Variants in IL7 observed in about 807,000 individuals in gnomAD.
The protein encoded by IL7 is interleukin 7, also known as interleukin-7.
Under a neutral mutation model 21.6 loss-of-function variants are expected in IL7, and 3 were observed. The ratio of observed to expected loss-of-function variants is 0.14; its 90% confidence interval spans 0.06 to 0.36. The LOEUF is 0.36. IL7 is among the 10% of genes least tolerant of loss of function. The probability of loss-of-function intolerance (pLI) is 1.00; values close to 1 mark genes in which losing one functional copy is unlikely to be tolerated. For missense variants in IL7, 175 were observed against 200.2 expected (o/e 0.87, Z 0.76); for synonymous variants, 62 against 68.1 (o/e 0.91, Z 0.44).
intron 6 of IL7, chr8:78,718,336 A>G (rs995969698): frequency 1.3e-5 from 2 of 151,964 alleles, no homozygotes; most frequent in Admixed American, 6.6e-5. Context: ...TTTAATATAG[A>G]AGGCACAGAA....
intron 3 of IL7, among the ~76,000 whole-genome samples, chr8:78,706,903 T>G (rs1005434048): frequency 2.0e-5 from 3 of 152,044 alleles, no homozygotes; most frequent in Non-Finnish European, 4.4e-5. Context: ...ACCAACAATA[T>G]CTTTTGAGTT....
downstream of IL7, among the ~76,000 whole-genome samples, chr8:78,729,683 T>C (rs932440721): frequency 6.6e-6 from 1 of 152,006 alleles, no homozygotes; most frequent in African/African-American, 2.4e-5. Flanking sequence ...AGAAGACTTT[T>C]ACCTCACATG....
At chr8:78,737,668 T>A (rs1456849008) in intron 4 of IL7, among the ~76,000 whole-genome samples, 1 of 152,132 alleles carries the variant, frequency 6.6e-6, no homozygotes, top group Non-Finnish European at 1.5e-5. Flanking sequence ...CCATTTTACC[T>A]TCTATGGGAA....
chr8:78,761,517 C>G (rs1812555666), intron 2 of IL7: 3 of 1,611,764 alleles, frequency 1.9e-6, no homozygotes, highest in Non-Finnish European at 2.5e-6. Flanking sequence ...GCCAAAATTT[C>G]TGCATCAGCT....
intron 4 of IL7, among the ~76,000 whole-genome samples, chr8:78,677,909 AT>A (rs1809634685): frequency 6.6e-6 from 1 of 152,120 alleles, no homozygotes; most frequent in Non-Finnish European, 1.5e-5. Context: ...TTTTATGGTT[AT>A]TTCTTGATGA....
chr8:78,759,497 A>C (rs996541543), intron 2 of IL7, among the ~76,000 whole-genome samples: 1 of 152,160 alleles, frequency 6.6e-6, no homozygotes, highest in African/African-American at 2.4e-5. Context: ...AGTGTTCAAC[A>C]TATACCTGCT....
intron 1 of IL7, among the ~76,000 whole-genome samples, chr8:78,799,891 TA>T (rs535290087): frequency 3.6e-4 from 55 of 152,008 alleles, no homozygotes; most frequent in African/African-American, 1.2e-3. Context: ...ATTGCTAATT[TA>T]AAAAAAATAT....
In IL7 at chr8:78,762,294, C is replaced by A; in HGVS notation, c.148-22212G>T. The stretch of plus-strand genomic sequence containing the variant: ...TTATTTAGCTGATCAGGTGTTTTAT[C>A]TTCTAAGTCTGCTCTCCTACAGTTC... On this transcript the variant is annotated intron_variant, in intron 2 of 5. Transcript: ENST00000263851. 4 of 1,593,572 alleles carry A rather than the reference C, an allele frequency of 2.5e-6. No homozygotes were observed. The South Asian group carries it at 4.4e-5, about 18-fold the overall frequency.
intron 3 of IL7, among the ~76,000 whole-genome samples, chr8:78,707,786 G>A (rs7010299): frequency 0.74 from 112,689 of 151,664 alleles, 42,921 homozygotes; most frequent in East Asian, 0.91. Context: ...CTGGAACATT[G>A]TGTTACTGTA....
At chr8:78,781,199 G>C (rs1441417513) in intron 2 of IL7, among the ~76,000 whole-genome samples, 1 of 152,102 alleles carries the variant, frequency 6.6e-6, no homozygotes, top group East Asian at 1.9e-4. Flanking sequence ...TTTAATTGGG[G>C]CATTTAGGCC....
At chr8:78,802,598 T>C (rs1298563775) in intron 1 of IL7, among the ~76,000 whole-genome samples, 1 of 151,910 alleles carries the variant, frequency 6.6e-6, no homozygotes, top group Non-Finnish European at 1.5e-5. Context: ...GCCTGGCAAA[T>C]TTTTTTGTAT....
chr8:78,800,589 A>C (rs1274106433), intron 1 of IL7, among the ~76,000 whole-genome samples: 2 of 152,224 alleles, frequency 1.3e-5, no homozygotes, highest in Admixed American at 1.3e-4. Context: ...CTGTAATTAC[A>C]AGCCCGGCCA....
intron 2 of IL7, among the ~76,000 whole-genome samples, chr8:78,772,142 G>A (rs1812979029): frequency 6.6e-6 from 1 of 152,206 alleles, no homozygotes; most frequent in African/African-American, 2.4e-5. Flanking sequence ...CTAATGATTG[G>A]CAGGGCTAGC....
intron 4 of IL7, chr8:78,678,543 G>A: frequency 6.4e-7 from 1 of 1,569,864 alleles, no homozygotes; most frequent in Non-Finnish European, 8.7e-7. Flanking sequence ...ATGATAGGCT[G>A]CATTTCTTTA....
chr8:78,798,571 A>C (rs1451452137), intron 1 of IL7, among the ~76,000 whole-genome samples: 2 of 152,050 alleles, frequency 1.3e-5, no homozygotes, highest in Non-Finnish European at 2.9e-5. Flanking sequence ...TACAGTTCGA[A>C]GAGTTACATA....
intron 4 of IL7, among the ~76,000 whole-genome samples, chr8:78,682,789 C>T (rs1306175516): frequency 3.3e-5 from 5 of 152,184 alleles, no homozygotes; most frequent in Admixed American, 2.6e-4. Flanking sequence ...TGAGACAAGG[C>T]AAGTTTCTTC....
Position 78,761,847 on chromosome 8 carries a change from C to A in IL7, c.148-21765G>T. On this transcript the variant is annotated intron_variant, in intron 2 of 5. Transcript: ENST00000263851. ...TGAAAGTTATCTGGAGTAAAGAGAC[C>A]TTCTGGGATTTCATCAGCCTCATGT... 1.9e-6 allele frequency: 3 copies of A among 1,611,964 alleles called. No individual in the cohort carries two copies. The South Asian group carries it at 3.3e-5, about 18-fold the overall frequency.
intron 3 of IL7, among the ~76,000 whole-genome samples, chr8:78,693,542 G>A (rs1181131657): frequency 1.3e-5 from 2 of 152,108 alleles, no homozygotes; most frequent in Non-Finnish European, 1.5e-5. Flanking sequence ...TTTGAGAAGT[G>A]TCTGTTCATA....
Position 78,760,517 on chromosome 8 carries a change from G to A in IL7, c.148-20435C>T, listed in dbSNP as rs184383951. The A allele has an allele frequency of 1.5e-4, 238 of 1,537,002 alleles. No homozygotes were observed. The East Asian group carries it at 3.1e-3, about 20-fold the overall frequency. The stretch of plus-strand genomic sequence containing the variant: ...CCAACAATGAAGCTCAGCTGACAGC[G>A]TGTCAGGATTGGGTAAGTCACTTCT... On this transcript the variant is annotated intron_variant, in intron 2 of 5. Transcript: ENST00000263851.
Sources: allele counts gnomAD v4.1 joint callset (sites outside exome capture counted in the v4.1 genomes callset), GRCh38; gene constraint gnomAD v4.1.1; transcripts MANE v1.5; gene names NCBI Gene and HGNC (gene_info 2026-07-23, HGNC 2026-07-21).